BTAF1: variants seen among roughly 807,000 people sequenced by gnomAD.
BTAF1 encodes B-TFIID TATA-box binding protein associated factor 1.
In BTAF1, 38 loss-of-function variants were observed where a neutral mutation model predicts 227.1. The observed-to-expected ratio is 0.17, with a 90% CI of 0.13 to 0.22. The LOEUF is 0.22. Among genes scored for constraint, BTAF1 ranks in the 10% least tolerant of loss-of-function variants. The probability of loss-of-function intolerance (pLI) is 1.00; values close to 1 mark genes in which losing one functional copy is unlikely to be tolerated. For missense variants in BTAF1, 1,598 were observed against 2,204.0 expected (o/e 0.73, Z 5.51); for synonymous variants, 742 against 751.9 (o/e 0.99, Z 0.21).
chr10:92,019,888 GC>G (rs1851000604), intron 34 of BTAF1, among the ~76,000 whole-genome samples: 1 of 88,948 alleles, frequency 1.1e-5, no homozygotes, highest in Non-Finnish European at 2.2e-5. Flanking sequence ...TTTTGTTGTT[GC>G]TGTTTTTTTT....
At position 91,953,767 on chromosome 10, in the gene BTAF1, G is replaced by C; in HGVS notation, c.595G>C (p.Glu199Gln). 6.2e-7 allele frequency: 1 copy of C among 1,614,004 alleles called. No individual in the cohort carries two copies. Among genetic ancestry groups the C allele is most frequent in the Non-Finnish European group, 8.5e-7 (1 of 1,179,942 alleles). The change falls in exon 6 of 38, where the codon GAG (glutamate) becomes CAG (glutamine). Residue 199 changes from glutamate to glutamine, a missense_variant. Transcript: ENST00000265990. ...TLQAAELIDSEFRAGMSNRQK... is the reference protein window; with the variant it reads ...TLQAAELIDSQFRAGMSNRQK... ...TCAGGCAGCTGAATTGATTGACTCA[G>C]AGTTTCGAGCAGGAATGAGCAATAG...
intron 9 of BTAF1, among the ~76,000 whole-genome samples, chr10:91,959,498 A>C (rs1239380755): frequency 2.6e-5 from 4 of 152,032 alleles, no homozygotes; most frequent in African/African-American, 9.7e-5. Context: ...ATGAATTTTA[A>C]GAATTGTGAT....
chr10:91,977,314 G>T (rs898820191), intron 14 of BTAF1, among the ~76,000 whole-genome samples: 5 of 152,168 alleles, frequency 3.3e-5, no homozygotes, highest in African/African-American at 1.2e-4. Flanking sequence ...GCCTTTTCCA[G>T]AATGTCATAT....
intron 19 of BTAF1, among the ~76,000 whole-genome samples, 193 bp downstream of exon 19, chr10:91,984,597 A>T (rs1035402496): frequency 3.3e-5 from 5 of 152,000 alleles, no homozygotes; most frequent in Admixed American, 3.3e-4. Flanking sequence ...ATAACAAAGA[A>T]TTTTTTTTAA....
At chr10:91,953,164 T>C (rs1480519543) in intron 5 of BTAF1, among the ~76,000 whole-genome samples, 1 of 152,172 alleles carries the variant, frequency 6.6e-6, no homozygotes, top group Non-Finnish European at 1.5e-5. Flanking sequence ...TTGAATCTTT[T>C]GGTTAGGCAC....
Position 92,031,041 on chromosome 10 carries a change from G to C in BTAF1, c.*2108G>C, listed in dbSNP as rs1366952731. 6.6e-6 allele frequency among the ~76,000 whole-genome samples: 1 copy of C among 152,148 alleles called. No homozygotes were observed. Among genetic ancestry groups the C allele is most frequent in the Non-Finnish European group, 1.5e-5 (1 of 68,024 alleles). ...TAGTTTTTTCAATGTATGGGTGTGG[G>C]AAGTCAAACAAGCATGATAGAATGT... On this transcript the variant is annotated 3_prime_UTR_variant, in exon 38 of 38. Coordinates refer to ENST00000265990, the MANE Select transcript of BTAF1 (RefSeq NM_003972.3).
intron 9 of BTAF1, among the ~76,000 whole-genome samples, chr10:91,959,446 T>G (rs1248768883): frequency 6.6e-6 from 1 of 152,050 alleles, no homozygotes; most frequent in African/African-American, 2.4e-5. Context: ...AAGTAATTAG[T>G]TTCTTAATTT....
intron 26 of BTAF1, among the ~76,000 whole-genome samples, chr10:92,008,510 G>GTTT (rs35905847): frequency 6.7e-5 from 9 of 134,010 alleles, no homozygotes; most frequent in African/African-American, 1.6e-4. Flanking sequence ...TGGCCAGCTA[G>GTTT]TTTTTTTTTT....
intron 30 of BTAF1, among the ~76,000 whole-genome samples, 162 bp from the exon 31 acceptor site, chr10:92,013,505 C>G (rs538990304): frequency 3.9e-5 from 6 of 152,236 alleles, no homozygotes; most frequent in Admixed American, 2.6e-4. Flanking sequence ...GGATACTGAC[C>G]TGAATTTTAC....
chr10:92,022,467 G>A (rs573333394), intron 34 of BTAF1, among the ~76,000 whole-genome samples: 1 of 152,030 alleles, frequency 6.6e-6, no homozygotes, highest in Non-Finnish European at 1.5e-5. Context: ...TGTCACTCAG[G>A]CTGGAGTACA....
chr10:92,009,377 A>T (rs1334138104), intron 28 of BTAF1, among the ~76,000 whole-genome samples, 169 bp downstream of exon 28: 1 of 152,264 alleles, frequency 6.6e-6, no homozygotes, highest in Non-Finnish European at 1.5e-5. Context: ...AGTGAGGCTC[A>T]TCAAAATTGA....
chr10:91,942,370 C>T lies in BTAF1; in HGVS notation c.254-52C>T, dbSNP rs1845074988. On this transcript the variant is annotated intron_variant, in intron 3 of 37. Transcript: ENST00000265990. ...CAAGTAATGATATGCTATTTTCTTT[C>T]ATTCCACACTTTGGCTATATGGTCA... The T allele has an allele frequency of 4.7e-6, 7 of 1,482,524 alleles. No homozygotes were observed. The Admixed American group carries it at 1.2e-4, about 26-fold the overall frequency. 91.8% of individuals were successfully genotyped at this position (1,482,524 alleles called of 1,614,324 possible).
intron 6 of BTAF1, among the ~76,000 whole-genome samples, chr10:91,955,124 A>G (rs1474283942): frequency 6.6e-6 from 1 of 152,240 alleles, no homozygotes; most frequent in Non-Finnish European, 1.5e-5. Flanking sequence ...CTTTTTATTC[A>G]GCTTGTTAAT....
At chr10:91,976,150 T>C (rs1480195696) in intron 14 of BTAF1, among the ~76,000 whole-genome samples, 2 of 152,190 alleles carry the variant, frequency 1.3e-5, no homozygotes, top group African/African-American at 4.8e-5. Context: ...GCTGTTAAAC[T>C]GGTAATTACA....
intron 8 of BTAF1, among the ~76,000 whole-genome samples, chr10:91,958,565 G>A (rs1846260151): frequency 6.6e-6 from 1 of 152,106 alleles, no homozygotes; most frequent in East Asian, 1.9e-4. Flanking sequence ...AGCCGGGCGT[G>A]GTGGCGGGCG....
intron 16 of BTAF1, 102 bp from the exon 17 acceptor site, chr10:91,981,981 C>G: frequency 7.1e-7 from 1 of 1,410,016 alleles, no homozygotes; most frequent in East Asian, 2.5e-5. Context: ...GTGAAAAGAA[C>G]TGTATTTTAC....
intron 4 of BTAF1, among the ~76,000 whole-genome samples, chr10:91,950,214 T>C (rs982980604): frequency 6.6e-6 from 1 of 151,704 alleles, no homozygotes; most frequent in Non-Finnish European, 1.5e-5. Flanking sequence ...TTTCATGTAC[T>C]GGCTCTATCT....
At chr10:91,944,458 G>A (rs1039070780) in intron 4 of BTAF1, among the ~76,000 whole-genome samples, 1 of 152,218 alleles carries the variant, frequency 6.6e-6, no homozygotes, top group Non-Finnish European at 1.5e-5. Flanking sequence ...TTTAGGCTCT[G>A]TGTAAGTGTA....
chr10:91,991,267 TATAA>T lies in BTAF1; in HGVS notation c.2855-848_2855-845del, dbSNP rs1250970668. Among the ~76,000 whole-genome samples, 96 of 81,544 alleles carry T rather than the reference TATAA, an allele frequency of 1.2e-3. 4 individuals carry two copies. The highest frequency in any genetic ancestry group is 0.012 in the East Asian group (34 of 2,914). 53.5% of individuals were successfully genotyped at this position (81,544 alleles called of 152,430 possible). Reference sequence around the variant, plus strand: ...TCTCAAAAAAATATATAAATATAAATATAAATATATATATATATATATATAAATT... The same window carrying T: ...TCTCAAAAAAATATATAAATATAAATATATATATATATATATATATAAATT... On this transcript the variant is annotated intron_variant, in intron 20 of 37. Transcript: ENST00000265990.
Sources: allele counts gnomAD v4.1 joint callset (sites outside exome capture counted in the v4.1 genomes callset), GRCh38; gene constraint gnomAD v4.1.1; transcripts MANE v1.5; gene names NCBI Gene and HGNC (gene_info 2026-07-23, HGNC 2026-07-21).